The following CDH12 variants were observed in gnomAD, a reference collection of about 807,000 sequenced individuals.
The protein encoded by CDH12 is cadherin-12.
In CDH12, 41 loss-of-function variants were observed where a neutral mutation model predicts 74.1. The ratio of observed to expected loss-of-function variants is 0.55; its 90% confidence interval spans 0.43 to 0.72. The LOEUF (loss-of-function observed/expected upper bound fraction) is 0.72, where lower values mean the gene tolerates loss of function less well. Among genes scored for constraint, CDH12 ranks in the 30% least tolerant of loss-of-function variants. The probability of loss-of-function intolerance (pLI) is 0.00; values close to 1 mark genes in which losing one functional copy is unlikely to be tolerated. For synonymous variants in CDH12, 399 were observed against 355.0 expected (o/e 1.12, Z -1.39); for missense variants, 945 against 977.2 (o/e 0.97, Z 0.44).
intron 6 of CDH12, among the ~76,000 whole-genome samples, chr5:21,895,308 T>C (rs1261578254): frequency 6.6e-6 from 1 of 152,182 alleles, no homozygotes. Flanking sequence ...GTCTAAACCA[T>C]AAATGTAGCA....
chr5:21,889,908 T>C, intron 6 of CDH12: 1 of 935,768 alleles, frequency 1.1e-6, no homozygotes, highest in Non-Finnish European at 1.3e-6. Flanking sequence ...ACACTGGCAA[T>C]GTTTGACTTT....
At chr5:21,913,606 A>C (rs1323036755) in intron 6 of CDH12, among the ~76,000 whole-genome samples, 2 of 152,126 alleles carry the variant, frequency 1.3e-5, no homozygotes, top group South Asian at 2.1e-4. Context: ...AATCACACAT[A>C]TATAAAATAT....
At chr5:22,836,157 G>T (rs1369771590) in intron 1 of CDH12, among the ~76,000 whole-genome samples, 1 of 144,210 alleles carries the variant, frequency 6.9e-6, no homozygotes, top group Non-Finnish European at 1.5e-5. Context: ...ACTCTAAAAA[G>T]AAATAATTAT....
chr5:22,746,904 T>C (rs1745322435), intron 1 of CDH12, among the ~76,000 whole-genome samples: 2 of 152,192 alleles, frequency 1.3e-5, no homozygotes, highest in African/African-American at 2.4e-5. Flanking sequence ...ACACAGATAG[T>C]AGCAGCTTCC....
At chr5:22,364,672 C>T (rs572588017) in intron 3 of CDH12, among the ~76,000 whole-genome samples, 58 of 152,218 alleles carry the variant, frequency 3.8e-4, no homozygotes, top group African/African-American at 1.3e-3. Flanking sequence ...TAGTCACTAC[C>T]TAATAATTGA....
intron 1 of CDH12, among the ~76,000 whole-genome samples, chr5:22,564,677 A>G (rs2126755723): frequency 6.6e-6 from 1 of 152,140 alleles, no homozygotes; most frequent in South Asian, 2.1e-4. Flanking sequence ...AGATCTAATT[A>G]CTCTAGATAC....
intron 2 of CDH12, among the ~76,000 whole-genome samples, chr5:22,470,576 G>T (rs989240331): frequency 6.6e-5 from 10 of 151,738 alleles, no homozygotes; most frequent in African/African-American, 2.4e-4. Flanking sequence ...ATGCCACCCT[G>T]CCTGGTTAAG....
At chr5:22,739,036 A>G (rs1228762562) in intron 1 of CDH12, among the ~76,000 whole-genome samples, 1 of 152,056 alleles carries the variant, frequency 6.6e-6, no homozygotes, top group East Asian at 1.9e-4. Context: ...ACTATACATT[A>G]ATTTCATTAT....
At chr5:21,960,023 C>T (rs1417271928) in intron 6 of CDH12, among the ~76,000 whole-genome samples, 3 of 150,628 alleles carry the variant, frequency 2.0e-5, no homozygotes, top group Non-Finnish European at 4.4e-5. Context: ...ATGCACCCAA[C>T]ACAGGAACAC....
At chr5:22,153,911 C>CACAA (rs1554015773) in intron 4 of CDH12, among the ~76,000 whole-genome samples, 1 of 101,588 alleles carries the variant, frequency 9.8e-6, no homozygotes, top group Non-Finnish European at 2.1e-5. Context: ...TATACACACA[C>CACAA]ATACACACAC....
intron 11 of CDH12, among the ~76,000 whole-genome samples, chr5:21,775,493 G>A (rs1008419554): frequency 8.5e-5 from 13 of 152,134 alleles, no homozygotes; most frequent in African/African-American, 2.9e-4. Flanking sequence ...TCTGTTGAAT[G>A]AAGCCTCAGC....
At chr5:22,035,549 G>T (rs563212128) in intron 5 of CDH12, among the ~76,000 whole-genome samples, 30 of 152,088 alleles carry the variant, frequency 2.0e-4, no homozygotes, top group African/African-American at 7.0e-4. Flanking sequence ...ATAATAGGTT[G>T]AAAATGTGTC....
intron 5 of CDH12, among the ~76,000 whole-genome samples, chr5:22,064,237 C>G (rs887306172): frequency 6.6e-6 from 1 of 152,112 alleles, no homozygotes; most frequent in African/African-American, 2.4e-5. Context: ...CCACAGGGCC[C>G]ACTGCATGAC....
In CDH12 at chr5:22,160,600, A is replaced by C. The variant is rs181437915; in HGVS notation, c.-187+51898T>G. Among the ~76,000 whole-genome samples, 316 of 152,244 alleles carry C rather than the reference A, an allele frequency of 2.1e-3. 4 individuals carry two copies. The highest frequency in any genetic ancestry group is 7.3e-3 in the African/African-American group (303 of 41,540). On this transcript the variant is annotated intron_variant, in intron 4 of 14. Transcript: ENST00000382254. ...TACTGGATAGCTTATAAACAACATA[A>C]ATTTATATTTAACAGTTCTAGAGGC...
intron 1 of CDH12, among the ~76,000 whole-genome samples, chr5:22,671,894 A>G (rs1740917221): frequency 6.6e-6 from 1 of 150,808 alleles, no homozygotes; most frequent in African/African-American, 2.4e-5. Flanking sequence ...TCTTAGGAAT[A>G]GAAACATATT....
intron 7 of CDH12, among the ~76,000 whole-genome samples, chr5:21,849,066 C>A (rs1369965250): frequency 6.6e-6 from 1 of 151,896 alleles, no homozygotes; most frequent in Non-Finnish European, 1.5e-5. Context: ...AACTCACAAT[C>A]TAATGAGTTA....
Position 22,733,198 on chromosome 5 carries a change from C to A in CDH12, c.-523+119860G>T, listed in dbSNP as rs191276577. ...ATTCCTATCTGAGTTATTCACAGAG[C>A]TCTCCTGAATAAGTAAAAAATAATT... On this transcript the variant is annotated intron_variant, in intron 1 of 14. Transcript: ENST00000382254. 5.0e-4 allele frequency among the ~76,000 whole-genome samples: 76 copies of A among 151,932 alleles called. No individual in the cohort carries two copies. The East Asian group carries it at 7.8e-3, about 16-fold the overall frequency.
At chr5:21,869,986 C>A (rs571266089) in intron 6 of CDH12, among the ~76,000 whole-genome samples, 1 of 152,088 alleles carries the variant, frequency 6.6e-6, no homozygotes, top group Admixed American at 6.5e-5. Context: ...ATTATGGGGG[C>A]AGTTTCTCCC....
At chr5:22,489,348 C>T (rs922483565) in intron 2 of CDH12, among the ~76,000 whole-genome samples, 12 of 151,680 alleles carry the variant, frequency 7.9e-5, no homozygotes, top group Admixed American at 2.0e-4. Context: ...TGAGCCACCA[C>T]GCCCGGACAG....
Sources: allele counts gnomAD v4.1 joint callset (sites outside exome capture counted in the v4.1 genomes callset), GRCh38; gene constraint gnomAD v4.1.1; transcripts MANE v1.5; gene names NCBI Gene and HGNC (gene_info 2026-07-23, HGNC 2026-07-21).